The following ARHGAP24 variants were observed in gnomAD, a reference collection of about 807,000 sequenced individuals.
ARHGAP24 encodes the protein Rho GTPase activating protein 24, also known as rho GTPase-activating protein 24.
Under a neutral mutation model 76.4 loss-of-function variants are expected in ARHGAP24, and 50 were observed. The ratio of observed to expected loss-of-function variants is 0.65; its 90% CI spans 0.52 to 0.83. The LOEUF is 0.83. ARHGAP24 is among the 40% of genes least tolerant of loss of function. The pLI, the probability that ARHGAP24 is intolerant of heterozygous loss-of-function variation, is 0.00. For missense variants in ARHGAP24, 930 were observed against 914.2 expected (o/e 1.02, Z -0.22); for synonymous variants, 345 against 323.3 (o/e 1.07, Z -0.72).
intron 2 of ARHGAP24, among the ~76,000 whole-genome samples, chr4:85,687,819 T>TC (rs1298838842): frequency 7.0e-6 from 1 of 143,538 alleles, no homozygotes; most frequent in Non-Finnish European, 1.5e-5. Flanking sequence ...TTCTATTTTC[T>TC]TTTTTTTTTA....
chr4:85,495,049 C>T (rs1018227493), intron 1 of ARHGAP24, among the ~76,000 whole-genome samples: 2 of 144,760 alleles, frequency 1.4e-5, no homozygotes, highest in Non-Finnish European at 3.0e-5. Context: ...GAGCCGAGAT[C>T]GCGCCACTGC....
rs945327898 is a variant in ARHGAP24, at chr4:85,526,524, A to T, written c.-20-43998A>T. ...ATTTGGGGTGTTATATACTAATGGT[A>T]TGGGGCCTATCTCAAAGCCACTATT... On this transcript the variant is annotated intron_variant, in intron 1 of 9. Transcript: ENST00000395184. 4.6e-5 allele frequency among the ~76,000 whole-genome samples: 7 copies of T among 152,044 alleles called. No homozygotes were observed. The East Asian group carries it at 1.2e-3, about 25-fold the overall frequency.
At chr4:85,806,136 C>T (rs1728781063) in intron 3 of ARHGAP24, among the ~76,000 whole-genome samples, 1 of 152,136 alleles carries the variant, frequency 6.6e-6, no homozygotes, top group South Asian at 2.1e-4. Flanking sequence ...AAACTTGTTC[C>T]AATTTGGTTC....
At chr4:85,959,196 C>T (rs186361437) in intron 5 of ARHGAP24, among the ~76,000 whole-genome samples, 3 of 152,252 alleles carry the variant, frequency 2.0e-5, no homozygotes, top group Admixed American at 2.0e-4. Context: ...CTTTTTAGAC[C>T]ATATAGGGTA....
intron 2 of ARHGAP24, chr4:85,686,474 A>G (rs1723426209): frequency 6.6e-6 from 1 of 152,206 alleles, no homozygotes; most frequent in Non-Finnish European, 1.5e-5. Context: ...TTTAACAAGA[A>G]AACGAAGTCC....
chr4:85,882,051 G>A (rs1326918238), intron 3 of ARHGAP24, among the ~76,000 whole-genome samples: 2 of 152,032 alleles, frequency 1.3e-5, no homozygotes, highest in African/African-American at 4.8e-5. Context: ...TTTGATGGGG[G>A]AAATAAAAAT....
chr4:85,624,597 T>C (rs1206646203), intron 2 of ARHGAP24, among the ~76,000 whole-genome samples: 1 of 152,246 alleles, frequency 6.6e-6, no homozygotes, highest in Admixed American at 6.5e-5. Flanking sequence ...GATGCTGGCC[T>C]CATAAAATGA....
chr4:85,672,548 A>G (rs1357351096), intron 2 of ARHGAP24, among the ~76,000 whole-genome samples: 1 of 152,172 alleles, frequency 6.6e-6, no homozygotes, highest in Non-Finnish European at 1.5e-5. Context: ...GTTAAGGCAG[A>G]ATCTTCCCAT....
chr4:85,899,992 A>G (rs1308841817), intron 3 of ARHGAP24, among the ~76,000 whole-genome samples: 1 of 152,252 alleles, frequency 6.6e-6, no homozygotes, highest in Non-Finnish European at 1.5e-5. Context: ...TTGTGGAGTA[A>G]TATCTACTAT....
chr4:85,496,918 CA>C (rs921867349), intron 1 of ARHGAP24, among the ~76,000 whole-genome samples: 3 of 151,278 alleles, frequency 2.0e-5, no homozygotes, highest in African/African-American at 7.3e-5. Flanking sequence ...AGGAATGAAC[CA>C]AAAAAAAGTC....
At chr4:85,544,744 A>G (rs956527952) in intron 1 of ARHGAP24, among the ~76,000 whole-genome samples, 1 of 152,128 alleles carries the variant, frequency 6.6e-6, no homozygotes, top group South Asian at 2.1e-4. Context: ...TTGCAAGACA[A>G]TGAGTCAGAC....
At chr4:85,628,738 A>T (rs957797346) in intron 2 of ARHGAP24, among the ~76,000 whole-genome samples, 1 of 152,178 alleles carries the variant, frequency 6.6e-6, no homozygotes, top group Non-Finnish European at 1.5e-5. Flanking sequence ...TTGACCCTAT[A>T]ATGACCTTCT....
intron 1 of ARHGAP24, among the ~76,000 whole-genome samples, chr4:85,558,078 A>G (rs1726458939): frequency 6.6e-6 from 1 of 152,108 alleles, no homozygotes; most frequent in African/African-American, 2.4e-5. Context: ...TGTCTTCCCT[A>G]TCCTAAGGGA....
At chr4:85,611,114 T>G (rs887016735) in intron 2 of ARHGAP24, among the ~76,000 whole-genome samples, 2 of 152,186 alleles carry the variant, frequency 1.3e-5, no homozygotes, top group African/African-American at 4.8e-5. Flanking sequence ...CATAGAGTTA[T>G]ACACATAACT....
In ARHGAP24 at chr4:85,817,957, T is replaced by C. The variant is rs11933963; in HGVS notation, c.268+95985T>C. On this transcript the variant is annotated intron_variant, in intron 3 of 9. Transcript: ENST00000395184. ...ATACTGATATCACGATAGAGTGATA[T>C]TGAGTTTTCCCAAGTCTTATTTCAT... Among the ~76,000 whole-genome samples the C allele has an allele frequency of 9.5e-3, 1,450 of 152,336 alleles. 27 individuals carry two copies. The highest frequency in any genetic ancestry group is 0.033 in the African/African-American group (1,354 of 41,572).
intron 1 of ARHGAP24, among the ~76,000 whole-genome samples, chr4:85,528,118 A>G (rs1725088136): frequency 6.6e-6 from 1 of 152,102 alleles, no homozygotes; most frequent in Non-Finnish European, 1.5e-5. Flanking sequence ...CGAGAGCTGA[A>G]GAATAGGACT....
intron 2 of ARHGAP24, among the ~76,000 whole-genome samples, chr4:85,678,916 A>G (rs909314984): frequency 6.6e-6 from 1 of 152,154 alleles, no homozygotes; most frequent in African/African-American, 2.4e-5. Flanking sequence ...CCAAGGGAAA[A>G]TTTCCCTTTA....
intron 3 of ARHGAP24, among the ~76,000 whole-genome samples, chr4:85,894,960 CAAAAAAAAAAAAA>C (rs540459367): frequency 5.7e-5 from 2 of 35,362 alleles, no homozygotes; most frequent in Non-Finnish European, 6.5e-5. Flanking sequence ...GACTCCCTCT[CAAAAAAAAAAAAA>C]AAAAAAAAAA....
chr4:85,636,171 A>T (rs1167820020), intron 2 of ARHGAP24, among the ~76,000 whole-genome samples: 1 of 150,910 alleles, frequency 6.6e-6, no homozygotes, highest in Non-Finnish European at 1.5e-5. Context: ...ACTCCATCGT[A>T]TTGCACTTTC....
Sources: gnomAD v4.1 joint callset for allele counts (sites outside exome capture counted in the v4.1 genomes callset) on GRCh38, gnomAD v4.1.1 for gene constraint, MANE v1.5 for transcripts, NCBI Gene and HGNC (gene_info 2026-07-23, HGNC 2026-07-21) for gene names.